The following DLG2 variants were observed in gnomAD, a reference collection of about 807,000 sequenced individuals.
DLG2 encodes the protein discs large MAGUK scaffold protein 2, also known as disks large homolog 2.
DLG2 carries 45 observed loss-of-function variants against 132.5 expected under a neutral mutation model. That is an observed-to-expected ratio of 0.34 (90% confidence interval 0.27 to 0.44). The LOEUF (loss-of-function observed/expected upper bound fraction) is 0.44. DLG2 is among the 20% of genes least tolerant of loss of function. The pLI is 1.00. For synonymous variants in DLG2, 424 were observed against 419.6 expected (o/e 1.01, Z -0.13); for missense variants, 1,045 against 1,196.9 (o/e 0.87, Z 1.87).
At chr11:85,113,150 A>T (rs2073043106) in intron 5 of DLG2, among the ~76,000 whole-genome samples, 1 of 152,080 alleles carries the variant, frequency 6.6e-6, no homozygotes, top group South Asian at 2.1e-4. Flanking sequence ...CAGCAGCAGC[A>T]GCAGAGTACA....
At chr11:84,253,724 C>T (rs889237184) in intron 7 of DLG2, among the ~76,000 whole-genome samples, 24 of 152,168 alleles carry the variant, frequency 1.6e-4, no homozygotes, top group African/African-American at 5.3e-4. Flanking sequence ...CAAAACCTTA[C>T]TGATGAGGCA....
At chr11:85,190,845 T>C (rs898090948) in intron 4 of DLG2, among the ~76,000 whole-genome samples, 1 of 152,142 alleles carries the variant, frequency 6.6e-6, no homozygotes, top group Admixed American at 6.5e-5. Flanking sequence ...TTATTAAAAA[T>C]TCAGAAAATG....
At chr11:85,162,701 T>C (rs775926852) in intron 4 of DLG2, among the ~76,000 whole-genome samples, 1 of 152,220 alleles carries the variant, frequency 6.6e-6, no homozygotes, top group South Asian at 2.1e-4. Flanking sequence ...GCATTTCCAG[T>C]TGTACAAACA....
chr11:84,714,250 T>C (rs2060765695), intron 6 of DLG2, among the ~76,000 whole-genome samples: 1 of 152,074 alleles, frequency 6.6e-6, no homozygotes, highest in Non-Finnish European at 1.5e-5. Context: ...ACTACCCTGC[T>C]AGTGACAAAA....
chr11:83,602,865 C>G (rs1015684298), intron 19 of DLG2, among the ~76,000 whole-genome samples: 1 of 151,678 alleles, frequency 6.6e-6, no homozygotes. Context: ...ATAATTCAGT[C>G]TCACCTATTT....
intron 6 of DLG2, among the ~76,000 whole-genome samples, chr11:84,970,081 G>A (rs1185876587): frequency 6.6e-6 from 1 of 152,028 alleles, no homozygotes; most frequent in African/African-American, 2.4e-5. Flanking sequence ...ATAGCTTGAT[G>A]GGTGCAGCAA....
intron 22 of DLG2, among the ~76,000 whole-genome samples, chr11:83,483,643 T>C (rs929196381): frequency 8.5e-5 from 13 of 152,280 alleles, no homozygotes; most frequent in African/African-American, 2.9e-4. Flanking sequence ...AAATTCTAAA[T>C]GATATCCACC....
At chr11:84,503,598 C>T (rs1189375688) in intron 7 of DLG2, among the ~76,000 whole-genome samples, 1 of 152,106 alleles carries the variant, frequency 6.6e-6, no homozygotes, top group African/African-American at 2.4e-5. Flanking sequence ...ACCTCTGTGG[C>T]CAAGCTACCC....
chr11:84,368,499 T>C (rs2098693176), intron 7 of DLG2, among the ~76,000 whole-genome samples: 2 of 152,108 alleles, frequency 1.3e-5, no homozygotes, highest in Admixed American at 1.3e-4. Context: ...AAACATGTCC[T>C]CTATTTAAAG....
chr11:84,479,889 T>C (rs1361098613), intron 7 of DLG2, among the ~76,000 whole-genome samples: 1 of 152,156 alleles, frequency 6.6e-6, no homozygotes, highest in South Asian at 2.1e-4. Flanking sequence ...CAATTATTTA[T>C]CTCAGGGAGA....
At chr11:83,752,214 G>A (rs73511043) in intron 18 of DLG2, among the ~76,000 whole-genome samples, 29,199 of 151,632 alleles carry the variant, frequency 0.19, 3,546 homozygotes, top group African/African-American at 0.34. Flanking sequence ...CTTGCAGTGA[G>A]CTGAGATGGT....
chr11:83,661,466 C>T (rs1467740939), intron 18 of DLG2, among the ~76,000 whole-genome samples: 7 of 152,096 alleles, frequency 4.6e-5, no homozygotes, highest in Non-Finnish European at 8.8e-5. Context: ...AACAAATTAA[C>T]GTGTGTGGAG....
intron 8 of DLG2, among the ~76,000 whole-genome samples, chr11:84,215,172 C>G (rs1457571240): frequency 6.6e-6 from 1 of 152,162 alleles, no homozygotes; most frequent in African/African-American, 2.4e-5. Flanking sequence ...AGGTCCGAAA[C>G]ACGTCAAAGC....
chr11:84,014,338 T>A (rs559606199), intron 11 of DLG2, among the ~76,000 whole-genome samples: 2 of 152,274 alleles, frequency 1.3e-5, no homozygotes, highest in Non-Finnish European at 2.9e-5. Flanking sequence ...AGTCTAGAAG[T>A]ATTTGGACAC....
intron 6 of DLG2, among the ~76,000 whole-genome samples, chr11:85,069,546 G>GA: frequency 6.6e-6 from 1 of 152,196 alleles, no homozygotes; most frequent in Middle Eastern, 3.4e-3. Context: ...AAAGACACAT[G>GA]AAAAAATGCT....
chr11:85,146,227 CCTCTCT>C (rs35640163), intron 5 of DLG2, among the ~76,000 whole-genome samples: 2,693 of 129,182 alleles, frequency 0.021, 42 homozygotes, highest in Middle Eastern at 0.032. Flanking sequence ...TCTGTTTCTC[CCTCTCT>C]CTCTCTCTCT....
intron 6 of DLG2, among the ~76,000 whole-genome samples, chr11:85,082,096 A>G (rs538074635): frequency 2.2e-3 from 342 of 152,270 alleles, no homozygotes; most frequent in African/African-American, 7.9e-3. Context: ...CTTTATTCTG[A>G]TAACTCCCAG....
At chr11:85,157,490 A>G (rs981961944) in intron 4 of DLG2, among the ~76,000 whole-genome samples, 4 of 152,050 alleles carry the variant, frequency 2.6e-5, no homozygotes, top group Non-Finnish European at 5.9e-5. Flanking sequence ...ACCATTCGTG[A>G]GAGGCAAGGA....
intron 6 of DLG2, among the ~76,000 whole-genome samples, chr11:84,608,189 A>G (rs1162489047): frequency 6.6e-6 from 1 of 152,200 alleles, no homozygotes; most frequent in East Asian, 1.9e-4. Context: ...AGGCCCTGGC[A>G]CTGGCCAGTG....
Sources: allele counts gnomAD v4.1 joint callset (sites outside exome capture counted in the v4.1 genomes callset), GRCh38; gene constraint gnomAD v4.1.1; transcripts MANE v1.5; gene names NCBI Gene and HGNC (gene_info 2026-07-23, HGNC 2026-07-21).